The following CLYBL variants were observed in gnomAD, a reference collection of about 807,000 sequenced individuals.
CLYBL encodes the protein citramalyl-CoA lyase, mitochondrial.
A neutral mutation model predicts 38.9 loss-of-function variants in CLYBL; 31 were observed. The ratio of observed to expected loss-of-function variants is 0.80; its 90% CI spans 0.60 to 1.08. The LOEUF (loss-of-function observed/expected upper bound fraction) is 1.08. Ranked by LOEUF, CLYBL falls within the 50% of genes least tolerant of loss-of-function variation. The pLI is 0.00. For missense variants in CLYBL, 434 were observed against 411.6 expected (o/e 1.05, Z -0.47); for synonymous variants, 171 against 158.6 (o/e 1.08, Z -0.59).
At chr13:99,748,730 C>T (rs991951873) in intron 1 of CLYBL, among the ~76,000 whole-genome samples, 18 of 152,038 alleles carry the variant, frequency 1.2e-4, no homozygotes, top group African/African-American at 4.3e-4. Flanking sequence ...TGAGCCACCG[C>T]GCACGGCCTC....
intron 7 of CLYBL, among the ~76,000 whole-genome samples, chr13:99,873,410 C>T (rs908379061): frequency 6.6e-6 from 1 of 152,138 alleles, no homozygotes; most frequent in Non-Finnish European, 1.5e-5. Flanking sequence ...CACTGATGAA[C>T]ACGTGAACCC....
At chr13:99,774,107 C>T (rs2049459700) in intron 2 of CLYBL, among the ~76,000 whole-genome samples, 1 of 151,760 alleles carries the variant, frequency 6.6e-6, no homozygotes, top group Non-Finnish European at 1.5e-5. Context: ...GCGGCGTGTA[C>T]CTGTAGTCCC....
chr13:99,761,937 T>C (rs938216153), intron 1 of CLYBL, among the ~76,000 whole-genome samples: 1 of 152,246 alleles, frequency 6.6e-6, no homozygotes, highest in African/African-American at 2.4e-5. Context: ...TACCATTTTT[T>C]CATATACTTG....
At chr13:99,738,019 A>G (rs942223979) in intron 1 of CLYBL, among the ~76,000 whole-genome samples, 2 of 152,218 alleles carry the variant, frequency 1.3e-5, no homozygotes, top group African/African-American at 4.8e-5. Context: ...TTTATTGTTA[A>G]TCAAGGGCTT....
intron 2 of CLYBL, among the ~76,000 whole-genome samples, chr13:99,790,154 T>C (rs1323526797): frequency 6.6e-6 from 1 of 152,178 alleles, no homozygotes; most frequent in Non-Finnish European, 1.5e-5. Flanking sequence ...TTTATCCAAT[T>C]TGCCAGTCTG....
chr13:99,606,736 C>A lies in CLYBL; in HGVS notation c.41C>A (p.Ala14Glu), dbSNP rs374907881. ...CTGCGGAGGGCGGCGCGCGGAGCTG[C>A]GGCGGCGGCGCTGCTGAGGCTGTGA... Reference protein sequence around the residue: ...RLLRRAARGAAAAALLRLKAS... With the variant: ...RLLRRAARGAEAAALLRLKAS... Residue 14 changes from alanine (A) to glutamate (E), a missense_variant, in exon 1 of 9, where the codon GCG becomes GAG. Transcript: ENST00000339105. 4.7e-6 allele frequency: 7 copies of A among 1,485,826 alleles called. No homozygotes were observed. The African/African-American group carries it at 8.8e-5, about 19-fold the overall frequency. The allele number at this position is 1,485,826 out of a possible 1,614,324, so 92.0% of individuals were successfully genotyped here. A position where few individuals can be genotyped will look rare whatever the true frequency, so the allele number is the denominator to read the frequency against.
intron 7 of CLYBL, 74 bp downstream of exon 7, chr13:99,871,136 GTGTGAATGGT>G: frequency 6.6e-7 from 1 of 1,512,762 alleles, no homozygotes; most frequent in Non-Finnish European, 9.2e-7. Context: ...CAAATATGTT[GTGTGAATGGT>G]TTAAGAAAAC....
chr13:99,632,558 AT>A (rs1422443899), intron 1 of CLYBL, among the ~76,000 whole-genome samples: 2 of 152,214 alleles, frequency 1.3e-5, no homozygotes, highest in African/African-American at 4.8e-5. Context: ...CCTGGCCAAC[AT>A]AGTGAAACCC....
chr13:99,746,979 C>T (rs770135569), intron 1 of CLYBL, among the ~76,000 whole-genome samples: 1 of 152,170 alleles, frequency 6.6e-6, no homozygotes, highest in Non-Finnish European at 1.5e-5. Flanking sequence ...TGTGCCTGAA[C>T]GTGTTCAGTG....
At chr13:99,822,090 A>G (rs576170399) in intron 2 of CLYBL, among the ~76,000 whole-genome samples, 9 of 152,328 alleles carry the variant, frequency 5.9e-5, no homozygotes, top group Non-Finnish European at 1.2e-4. Flanking sequence ...TAGATCATCC[A>G]GCCCTAGTCA....
chr13:99,738,111 A>G (rs918929603), intron 1 of CLYBL, among the ~76,000 whole-genome samples: 1 of 152,216 alleles, frequency 6.6e-6, no homozygotes, highest in Admixed American at 6.5e-5. Flanking sequence ...AAAATTCTTT[A>G]ATTAAACCAT....
chr13:99,790,035 T>C (rs2049883089), intron 2 of CLYBL, among the ~76,000 whole-genome samples: 1 of 152,102 alleles, frequency 6.6e-6, no homozygotes, highest in Non-Finnish European at 1.5e-5. Context: ...CCTTTTTTTG[T>C]TTTCCATTTG....
intron 1 of CLYBL, among the ~76,000 whole-genome samples, chr13:99,754,765 T>G (rs2049027634): frequency 6.7e-6 from 1 of 150,100 alleles, no homozygotes; most frequent in African/African-American, 2.5e-5. Flanking sequence ...TTTTTTTTTT[T>G]GTATTATTAG....
intron 1 of CLYBL, among the ~76,000 whole-genome samples, chr13:99,643,755 C>T (rs1245068358): frequency 1.1e-4 from 16 of 152,066 alleles, no homozygotes; most frequent in Admixed American, 9.2e-4. Context: ...CGCCTGTAAT[C>T]CCAGCACTTT....
chr13:99,897,105 A>T (rs2052590688), downstream of CLYBL: 1 of 152,162 alleles, frequency 6.6e-6, no homozygotes, highest in Non-Finnish European at 1.5e-5. Context: ...GCGAATTAGG[A>T]ATTAAAAACG....
At chr13:99,793,033 A>AAAACACACACACACACACACACACACAC (rs368975807) in intron 2 of CLYBL, among the ~76,000 whole-genome samples, 1 of 145,954 alleles carries the variant, frequency 6.9e-6, no homozygotes, top group African/African-American at 2.6e-5. Context: ...GTGCATACAT[A>AAAACACACACACACACACACACACACAC]ACACACACAC....
chr13:99,817,949 AGCT>A (rs2050494113), intron 2 of CLYBL, among the ~76,000 whole-genome samples: 4 of 151,740 alleles, frequency 2.6e-5, no homozygotes, highest in Non-Finnish European at 4.4e-5. Flanking sequence ...GGCTGCAGTA[AGCT>A]GTGATCACAC....
intron 1 of CLYBL, among the ~76,000 whole-genome samples, chr13:99,673,702 G>T (rs1401622722): frequency 2.0e-5 from 3 of 152,158 alleles, no homozygotes; most frequent in African/African-American, 7.2e-5. Flanking sequence ...TCGCTGGAAG[G>T]ATGTTGGCTT....
intron 1 of CLYBL, among the ~76,000 whole-genome samples, chr13:99,763,593 T>C (rs2049207528): frequency 6.7e-6 from 1 of 149,844 alleles, no homozygotes; most frequent in South Asian, 2.1e-4. Flanking sequence ...TTGCTCTTGT[T>C]GCCCAGGCTG....
Sources: gnomAD v4.1 joint callset for allele counts (sites outside exome capture counted in the v4.1 genomes callset) on GRCh38, gnomAD v4.1.1 for gene constraint, MANE v1.5 for transcripts, NCBI Gene and HGNC (gene_info 2026-07-23, HGNC 2026-07-21) for gene names.